Variants in ERBB4 observed in about 807,000 individuals in gnomAD.
ERBB4 encodes the protein erb-b2 receptor tyrosine kinase 4.
In ERBB4, 42 loss-of-function variants were observed where a neutral mutation model predicts 158.0. The observed-to-expected ratio is 0.27, with a 90% confidence interval of 0.21 to 0.34. The LOEUF (loss-of-function observed/expected upper bound fraction) is 0.34, where lower values mean the gene tolerates loss of function less well. Ranked by LOEUF, ERBB4 falls within the 10% of genes least tolerant of loss-of-function variation. The pLI, the probability that ERBB4 is intolerant of heterozygous loss-of-function variation, is 1.00. For synonymous variants in ERBB4, 583 were observed against 558.7 expected, an observed-to-expected ratio of 1.04 and a Z score of -0.61; for missense variants, 1,333 against 1,624.1, an observed-to-expected ratio of 0.82 and a Z score of 3.08.
At chr2:212,361,236 T>G (rs1170529457) in intron 1 of ERBB4, among the ~76,000 whole-genome samples, 2 of 151,620 alleles carry the variant, frequency 1.3e-5, no homozygotes, top group African/African-American at 4.8e-5. Context: ...TTAATTATTC[T>G]GATCTGAGGC....
At chr2:211,541,738 A>AT (rs557625783) in intron 20 of ERBB4, among the ~76,000 whole-genome samples, 453 of 152,168 alleles carry the variant, frequency 3.0e-3, no homozygotes, top group African/African-American at 0.01. Context: ...ATTGTTAAAT[A>AT]TAACATTTCA....
chr2:212,159,628 A>T (rs1252140541), intron 1 of ERBB4, among the ~76,000 whole-genome samples: 3 of 151,884 alleles, frequency 2.0e-5, no homozygotes, highest in Non-Finnish European at 4.4e-5. Context: ...TACATAAATG[A>T]ATTGTTTTCT....
Position 211,884,098 on chromosome 2 carries a change from C to T in ERBB4, c.421+63332G>A, listed in dbSNP as rs566287678. Among the ~76,000 whole-genome samples the T allele has an allele frequency of 5.9e-5, 9 of 152,212 alleles. No individual in the cohort carries two copies. In the East Asian group the frequency reaches 1.7e-3, roughly 29 times the overall value. On this transcript the variant is annotated intron_variant, in intron 3 of 27. Coordinates refer to ENST00000342788, the MANE Select transcript of ERBB4 (RefSeq NM_005235.3). Reference sequence around the variant, plus strand: ...ATAATTGCTCCATGTTAGAGACTAGCCTATTCTAAGTTTCTCAGATCCATT... The same window carrying T: ...ATAATTGCTCCATGTTAGAGACTAGTCTATTCTAAGTTTCTCAGATCCATT...
intron 2 of ERBB4, among the ~76,000 whole-genome samples, chr2:212,071,325 AC>A (rs1308067044): frequency 7.2e-6 from 1 of 138,806 alleles, no homozygotes. Context: ...AAAAAAAAAA[AC>A]CCACTCAGAA....
intron 20 of ERBB4, among the ~76,000 whole-genome samples, chr2:211,462,378 C>G (rs1180596530): frequency 6.6e-6 from 1 of 152,060 alleles, no homozygotes; most frequent in Admixed American, 6.6e-5. Context: ...GAGATCCAAA[C>G]CATATCGGAG....
chr2:211,544,950 A>G (rs2066903981), intron 20 of ERBB4, among the ~76,000 whole-genome samples: 1 of 152,056 alleles, frequency 6.6e-6, no homozygotes, highest in Non-Finnish European at 1.5e-5. Flanking sequence ...CAGAAGCCCC[A>G]ATCACAATCG....
intron 1 of ERBB4, among the ~76,000 whole-genome samples, chr2:212,298,684 T>C (rs1390764927): frequency 6.6e-6 from 1 of 151,702 alleles, no homozygotes; most frequent in Non-Finnish European, 1.5e-5. Flanking sequence ...ATGCAAAACA[T>C]TTACTAAGAG....
At chr2:212,072,336 T>C (rs1177911960) in intron 2 of ERBB4, among the ~76,000 whole-genome samples, 1 of 151,988 alleles carries the variant, frequency 6.6e-6, no homozygotes, top group Non-Finnish European at 1.5e-5. Context: ...TTAGATATCA[T>C]GGTAGCAGGG....
Position 212,267,238 on chromosome 2 carries a change from A to G in ERBB4, c.83-142335T>C, listed in dbSNP as rs898491689. On this transcript the variant is annotated intron_variant, in intron 1 of 27. Transcript: ENST00000342788. ...AATAAACCATAATGTTTGTAAAATC[A>G]GAACATGGGAAAAGAGAATTATCAA... is the stretch of plus-strand genomic sequence containing the variant. Among the ~76,000 whole-genome samples, 8 of 152,154 alleles carry G rather than the reference A, an allele frequency of 5.3e-5. No individual in the cohort carries two copies. The East Asian group carries it at 1.4e-3, about 26-fold the overall frequency.
chr2:212,292,010 A>G (rs776886006), intron 1 of ERBB4, among the ~76,000 whole-genome samples: 11 of 151,992 alleles, frequency 7.2e-5, no homozygotes, highest in Non-Finnish European at 4.4e-5. Flanking sequence ...CTGAGGTTGA[A>G]TGACTATAAT....
chr2:212,489,319 T>C (rs1229190526), intron 1 of ERBB4, among the ~76,000 whole-genome samples: 1 of 151,894 alleles, frequency 6.6e-6, no homozygotes, highest in Non-Finnish European at 1.5e-5. Context: ...CTTGTCCTCA[T>C]AGGTAACAAG....
At chr2:212,142,513 T>C (rs1254494596) in intron 1 of ERBB4, among the ~76,000 whole-genome samples, 2 of 150,808 alleles carry the variant, frequency 1.3e-5, no homozygotes, top group African/African-American at 2.4e-5. Flanking sequence ...AGATTATGCA[T>C]ATAGATGAGA....
chr2:211,539,290 T>C (rs1383415810), intron 20 of ERBB4, among the ~76,000 whole-genome samples: 1 of 151,892 alleles, frequency 6.6e-6, no homozygotes, highest in South Asian at 2.1e-4. Context: ...CAAGACAGAA[T>C]TGAAAAACCA....
intron 1 of ERBB4, among the ~76,000 whole-genome samples, chr2:212,312,376 AT>A (rs2087086303): frequency 6.6e-6 from 1 of 150,942 alleles, no homozygotes; most frequent in African/African-American, 2.4e-5. Context: ...GACTCATTGA[AT>A]TAGAAATTAT....
At chr2:212,030,449 T>A (rs1259384585) in intron 2 of ERBB4, among the ~76,000 whole-genome samples, 4 of 152,106 alleles carry the variant, frequency 2.6e-5, no homozygotes, top group Admixed American at 6.6e-5. Context: ...TTAGATAAAA[T>A]CCAAATTATT....
At chr2:211,916,011 T>C (rs2079679180) in intron 3 of ERBB4, among the ~76,000 whole-genome samples, 1 of 151,978 alleles carries the variant, frequency 6.6e-6, no homozygotes, top group African/African-American at 2.4e-5. Flanking sequence ...TATGTTGTAT[T>C]ATTTGATTCT....
chr2:212,399,828 G>C (rs1346586201), intron 1 of ERBB4, among the ~76,000 whole-genome samples: 1 of 151,802 alleles, frequency 6.6e-6, no homozygotes, highest in East Asian at 1.9e-4. Flanking sequence ...GCAGTGAGCC[G>C]AGATCGTGCC....
intron 2 of ERBB4, among the ~76,000 whole-genome samples, chr2:211,974,893 G>A (rs1301011841): frequency 6.6e-6 from 1 of 151,874 alleles, no homozygotes; most frequent in Non-Finnish European, 1.5e-5. Flanking sequence ...TGCATTCATG[G>A]GATCCCTCAT....
At chr2:211,837,400 C>A (rs1235807054) in intron 3 of ERBB4, among the ~76,000 whole-genome samples, 1 of 152,062 alleles carries the variant, frequency 6.6e-6, no homozygotes, top group Non-Finnish European at 1.5e-5. Flanking sequence ...TAAATAGATT[C>A]TCTGCACCAA....
Sources: gnomAD v4.1 joint callset for allele counts (sites outside exome capture counted in the v4.1 genomes callset) on GRCh38, gnomAD v4.1.1 for gene constraint, MANE v1.5 for transcripts, NCBI Gene and HGNC (gene_info 2026-07-23, HGNC 2026-07-21) for gene names.